The following PLEKHB1 variants were observed in gnomAD, a reference collection of about 807,000 sequenced individuals.
PLEKHB1 encodes pleckstrin homology domain-containing family B member 1.
PLEKHB1 carries 29 observed loss-of-function variants against 36.2 expected under a neutral mutation model. The ratio of observed to expected loss-of-function variants is 0.80; its 90% CI spans 0.60 to 1.09. PLEKHB1 has a LOEUF of 1.09. Among genes scored for constraint, PLEKHB1 ranks in the 50% least tolerant of loss-of-function variants. PLEKHB1 has a pLI of 0.00. For missense variants in PLEKHB1, 330 were observed against 348.2 expected, an observed-to-expected ratio of 0.95 and a Z score of 0.42; for synonymous variants, 138 against 140.0, an observed-to-expected ratio of 0.99 and a Z score of 0.10.
At chr11:73,650,426 G>A (rs1343293145) in intron 2 of PLEKHB1, 127 bp from the exon 3 acceptor site, 3 of 1,052,866 alleles carry the variant, frequency 2.8e-6, no homozygotes, top group Non-Finnish European at 4.0e-6. Context: ...ATTTCAGGGG[G>A]TAGACAAGAA....
At chr11:73,655,776 C>T (rs1424532833) in intron 5 of PLEKHB1, 27 bp from the exon 6 acceptor site, 1 of 1,607,874 alleles carries the variant, frequency 6.2e-7, no homozygotes, top group African/African-American at 1.3e-5. Context: ...CTCCCTCCTC[C>T]TTCTTGGGTT....
intron 6 of PLEKHB1, 199 bp from the exon 7 acceptor site, chr11:73,660,554 G>T (rs1945083704): frequency 6.8e-6 from 4 of 586,796 alleles, no homozygotes; most frequent in Non-Finnish European, 1.2e-5. Flanking sequence ...CTGGATGTAG[G>T]GCAGAAGTTT....
intron 6 of PLEKHB1, among the ~76,000 whole-genome samples, chr11:73,656,995 A>T (rs1263347314): frequency 2.6e-5 from 4 of 152,204 alleles, no homozygotes; most frequent in African/African-American, 9.7e-5. Flanking sequence ...TACTAAAAGT[A>T]CAAAAATTAG....
intron 4 of PLEKHB1, 172 bp from the exon 5 acceptor site, chr11:73,652,803 G>A (rs1944921594): frequency 1.8e-6 from 1 of 565,326 alleles, no homozygotes; most frequent in Admixed American, 3.0e-5. Flanking sequence ...CCATCCATGT[G>A]ACTGGGGCAG....
chr11:73,649,428 C>CT (rs1404688549), intron 2 of PLEKHB1, among the ~76,000 whole-genome samples: 3 of 152,130 alleles, frequency 2.0e-5, no homozygotes, highest in Non-Finnish European at 2.9e-5. Flanking sequence ...ACAGAACTGT[C>CT]TATCTGTGGG....
At chr11:73,647,528 G>A (rs1944790158) in intron 1 of PLEKHB1, 1 of 985,078 alleles carries the variant, frequency 1.0e-6, no homozygotes, top group South Asian at 4.7e-5. Context: ...AGTACGCCTC[G>A]GGTCAGCATC....
intron 5 of PLEKHB1, 53 bp from the exon 6 acceptor site, chr11:73,655,750 C>T: frequency 1.3e-6 from 2 of 1,522,568 alleles, no homozygotes; most frequent in Non-Finnish European, 1.8e-6. Context: ...TGTAGAGGGC[C>T]TCTGACACCC....
chr11:73,662,669 A>G lies in PLEKHB1; in HGVS notation c.*1067A>G, dbSNP rs997896046. The G allele has an allele frequency of 2.6e-5, 4 of 152,250 alleles. No homozygotes were observed. Among genetic ancestry groups the G allele is most frequent in the African/African-American group, 9.7e-5 (4 of 41,414 alleles). 9.4% of individuals were successfully genotyped at this position (152,250 alleles called of 1,614,324 possible). On this transcript the variant is annotated 3_prime_UTR_variant, in exon 8 of 8. Transcript: ENST00000354190. ...CAGTCTCCCCCTTTGGTTCCCTTCC[A>G]GTCTCTTCCCCCTTTCTATCCCAAT...
chr11:73,657,362 G>A (rs1446398531), intron 6 of PLEKHB1, among the ~76,000 whole-genome samples: 1 of 152,172 alleles, frequency 6.6e-6, no homozygotes, highest in East Asian at 1.9e-4. Flanking sequence ...ATGCAAGTTT[G>A]TTTAAAGTGG....
At chr11:73,652,185 A>G in intron 4 of PLEKHB1, 1 of 405,808 alleles carries the variant, frequency 2.5e-6, no homozygotes, top group Non-Finnish European at 4.5e-6. Context: ...GTGAGCCCTC[A>G]CCTGAGGGTG....
At chr11:73,653,329 A>T in intron 5 of PLEKHB1, 1 of 608,684 alleles carries the variant, frequency 1.6e-6, no homozygotes, top group South Asian at 1.5e-5. Context: ...TGCTCCTCAC[A>T]ACAGTCCTGT....
At chr11:73,649,913 G>A (rs1189342696) in intron 2 of PLEKHB1, among the ~76,000 whole-genome samples, 1 of 152,230 alleles carries the variant, frequency 6.6e-6, no homozygotes, top group Non-Finnish European at 1.5e-5. Context: ...AGAGATGAGA[G>A]ATAAGAGGCC....
chr11:73,650,230 G>A (rs193098861), intron 2 of PLEKHB1, among the ~76,000 whole-genome samples: 1 of 152,314 alleles, frequency 6.6e-6, no homozygotes, highest in East Asian at 1.9e-4. Context: ...CAGAGAGAGA[G>A]AAGATGCAGG....
chr11:73,652,086 T>C (rs1160287310), intron 4 of PLEKHB1, 196 bp downstream of exon 4: 5 of 594,784 alleles, frequency 8.4e-6, no homozygotes, highest in Non-Finnish European at 1.5e-5. Flanking sequence ...GAACTCCTCA[T>C]GTGGTCTACA....
intron 3 of PLEKHB1, among the ~76,000 whole-genome samples, chr11:73,651,006 A>G (rs1460864758): frequency 1.3e-5 from 2 of 151,586 alleles, no homozygotes; most frequent in African/African-American, 2.4e-5. Context: ...TCTTAAAAAA[A>G]AAAAAATTGG....
chr11:73,661,441 C>T lies in PLEKHB1; in HGVS notation c.596-25C>T, dbSNP rs751901501. 23 of 1,613,078 alleles carry T rather than the reference C, an allele frequency of 1.4e-5. No homozygotes were observed. The highest frequency in any genetic ancestry group is 2.0e-5 in the Non-Finnish European group (23 of 1,179,258). ...CTCTACTCCCTCCTAAGTCGCTGAT[C>T]CTCATGGGCTGTCTCCCTCTGCAGG... On this transcript the variant is annotated intron_variant, in intron 7 of 7. Coordinates refer to ENST00000354190, the MANE Select transcript of PLEKHB1 (RefSeq NM_021200.3). This position sits in a 1 kb window ranked among gnomAD's most constrained non-coding sequence, Gnocchi z 4.6.
chr11:73,646,747 C>A, intron 1 of PLEKHB1, 121 bp downstream of exon 1: 2 of 1,072,964 alleles, frequency 1.9e-6, no homozygotes, highest in South Asian at 1.4e-5. Context: ...GAATGACATC[C>A]TGTGGCTGCT....
At chr11:73,655,777 T>G in intron 5 of PLEKHB1, 26 bp from the exon 6 acceptor site, 7 of 1,607,954 alleles carry the variant, frequency 4.4e-6, no homozygotes, top group Non-Finnish European at 6.0e-6. Context: ...TCCCTCCTCC[T>G]TCTTGGGTTT....
At chr11:73,653,908 G>A (rs1290524462) in intron 5 of PLEKHB1, among the ~76,000 whole-genome samples, 2 of 152,064 alleles carry the variant, frequency 1.3e-5, no homozygotes, top group Non-Finnish European at 2.9e-5. Flanking sequence ...TTTGAACAGA[G>A]GGATGGCATG....
Sources: gnomAD v4.1 joint callset for allele counts (sites outside exome capture counted in the v4.1 genomes callset) on GRCh38, gnomAD v4.1.1 for gene constraint, Gnocchi (gnomAD v3.1) non-coding constraint, MANE v1.5 for transcripts, NCBI Gene and HGNC (gene_info 2026-07-23, HGNC 2026-07-21) for gene names.